PPM1L: variants seen among roughly 807,000 people sequenced by gnomAD.
PPM1L encodes protein phosphatase, Mg2+/Mn2+ dependent 1L.
A neutral mutation model predicts 31.4 loss-of-function variants in PPM1L; 13 were observed. The ratio of observed to expected loss-of-function variants is 0.41; its 90% CI spans 0.27 to 0.66. PPM1L has a LOEUF of 0.66. Among genes scored for constraint, PPM1L ranks in the 30% least tolerant of loss-of-function variants. The pLI is 0.29. For synonymous variants in PPM1L, 184 were observed against 175.4 expected (o/e 1.05, Z -0.39); for missense variants, 326 against 453.7 (o/e 0.72, Z 2.56).
At chr3:161,038,102 C>T (rs1351509692) in intron 2 of PPM1L, among the ~76,000 whole-genome samples, 8 of 151,212 alleles carry the variant, frequency 5.3e-5, no homozygotes, top group African/African-American at 9.7e-5. Flanking sequence ...GGCGTAGTGG[C>T]GGGCGCCTGT....
chr3:160,927,119 C>T (rs1714621682), intron 1 of PPM1L, among the ~76,000 whole-genome samples: 1 of 152,106 alleles, frequency 6.6e-6, no homozygotes, highest in South Asian at 2.1e-4. Context: ...GCACCTTTAC[C>T]TTTGCCAGAC....
intron 1 of PPM1L, among the ~76,000 whole-genome samples, chr3:160,879,923 G>A (rs1007928744): frequency 6.6e-6 from 1 of 152,116 alleles, no homozygotes; most frequent in Admixed American, 6.5e-5. Flanking sequence ...TATGATTGCC[G>A]TGTGTTGAGA....
chr3:160,822,323 A>G (rs1210455824), intron 1 of PPM1L, among the ~76,000 whole-genome samples: 2 of 152,060 alleles, frequency 1.3e-5, no homozygotes, highest in Non-Finnish European at 2.9e-5. Flanking sequence ...TCATTTGAAT[A>G]AACAAGATAT....
At chr3:160,761,193 C>A (rs753826079) in intron 1 of PPM1L, among the ~76,000 whole-genome samples, 5 of 152,142 alleles carry the variant, frequency 3.3e-5, no homozygotes, top group Non-Finnish European at 7.3e-5. Flanking sequence ...ATGCATGAAG[C>A]CTCTGAATTT....
chr3:161,044,017 T>G (rs1022042057), intron 2 of PPM1L, among the ~76,000 whole-genome samples: 1 of 152,192 alleles, frequency 6.6e-6, no homozygotes, highest in African/African-American at 2.4e-5. Flanking sequence ...AAAGATTTAT[T>G]TGAATATCTC....
At chr3:160,789,961 A>C (rs996565673) in intron 1 of PPM1L, among the ~76,000 whole-genome samples, 2 of 152,164 alleles carry the variant, frequency 1.3e-5, no homozygotes, top group African/African-American at 4.8e-5. Context: ...TCTCTTGTAT[A>C]CTTTAAATCA....
chr3:160,829,815 G>A (rs552763413), intron 1 of PPM1L, among the ~76,000 whole-genome samples: 4 of 152,138 alleles, frequency 2.6e-5, no homozygotes, highest in Non-Finnish European at 2.9e-5. Context: ...GGTGGGGGAT[G>A]AATACACAGA....
At position 160,943,019 on chromosome 3, in the gene PPM1L, G is replaced by A. The variant is rs140298199; in HGVS notation, c.400-18717G>A. On this transcript the variant is annotated intron_variant, in intron 1 of 3. Transcript: ENST00000498165. ...AGGAAGTAAACAAAAAGGAACTGAG[G>A]AGTAAAAAACAATCACAAAACTCAT... Among the ~76,000 whole-genome samples the A allele has an allele frequency of 5.5e-3, 834 of 152,052 alleles. 2 individuals carry two copies. Among genetic ancestry groups the A allele is most frequent in the Non-Finnish European group, 6.5e-3 (445 of 67,988 alleles).
At chr3:160,989,687 T>C (rs572993760) in intron 2 of PPM1L, among the ~76,000 whole-genome samples, 1 of 152,088 alleles carries the variant, frequency 6.6e-6, no homozygotes, top group Non-Finnish European at 1.5e-5. Context: ...AGAAACAGAG[T>C]CTTGCTCTGT....
chr3:160,828,052 A>G (rs879766417), intron 1 of PPM1L, among the ~76,000 whole-genome samples: 2 of 151,910 alleles, frequency 1.3e-5, no homozygotes, highest in Non-Finnish European at 2.9e-5. Flanking sequence ...CTCCCTCATG[A>G]GGGATCCACC....
At chr3:160,818,873 T>G (rs1473966004) in intron 1 of PPM1L, among the ~76,000 whole-genome samples, 4 of 152,136 alleles carry the variant, frequency 2.6e-5, no homozygotes, top group Non-Finnish European at 5.9e-5. Context: ...AAAAACAAGC[T>G]TGACTTTTTA....
chr3:160,818,107 G>C (rs1443078519), intron 1 of PPM1L, among the ~76,000 whole-genome samples: 1 of 151,920 alleles, frequency 6.6e-6, no homozygotes, highest in Non-Finnish European at 1.5e-5. Flanking sequence ...CAAAAAGAAA[G>C]GAATTTGAAG....
chr3:160,843,468 A>ATATATATATATATATTTT (rs1441660092), intron 1 of PPM1L, among the ~76,000 whole-genome samples: 1 of 106,886 alleles, frequency 9.4e-6, no homozygotes, highest in Non-Finnish European at 1.9e-5. Context: ...ATATATATAT[A>ATATATATATATATATTTT]TGTTTTTTTT....
intron 2 of PPM1L, among the ~76,000 whole-genome samples, chr3:161,024,019 G>A (rs1326210362): frequency 1.3e-5 from 2 of 152,138 alleles, no homozygotes; most frequent in Non-Finnish European, 2.9e-5. Context: ...GCTCATGCCT[G>A]TAATCCCAAC....
intron 1 of PPM1L, among the ~76,000 whole-genome samples, chr3:160,955,989 G>A (rs1292745676): frequency 1.3e-5 from 2 of 152,094 alleles, no homozygotes; most frequent in Non-Finnish European, 2.9e-5. Context: ...GAAACATTTA[G>A]CAGCTCTTGA....
chr3:160,828,495 T>A (rs1488258611), intron 1 of PPM1L, among the ~76,000 whole-genome samples: 5 of 152,010 alleles, frequency 3.3e-5, no homozygotes, highest in African/African-American at 1.2e-4. Flanking sequence ...ATAGGAAAAA[T>A]CCCTTATTCT....
chr3:160,828,628 G>C (rs749747299), intron 1 of PPM1L, among the ~76,000 whole-genome samples: 1 of 152,064 alleles, frequency 6.6e-6, no homozygotes, highest in Non-Finnish European at 1.5e-5. Flanking sequence ...GAGACTGCAG[G>C]TTTTGGTAGG....
rs10684062 is a variant in PPM1L at position 161,072,140 on chromosome 3, A to AT, written c.*2991dup. On this transcript the variant is annotated 3_prime_UTR_variant, in exon 4 of 4. Transcript: ENST00000498165. ...GGTTGGGGGAGGGACAGCTAGGGAAATTTTTTTTAATTAATTGTATCTAAA... is the reference window on the plus strand; with the variant it reads ...GGTTGGGGGAGGGACAGCTAGGGAAATTTTTTTTTAATTAATTGTATCTAAA... The AT allele has an allele frequency of 0.22, 32,968 of 151,942 alleles. 3,808 individuals are homozygous for AT. Among genetic ancestry groups the AT allele is most frequent in the African/African-American group, 0.29 (11,803 of 41,358 alleles). 9.4% of individuals were successfully genotyped at this position (151,942 alleles called of 1,614,324 possible).
chr3:160,771,749 G>T (rs1715262577), intron 1 of PPM1L, among the ~76,000 whole-genome samples: 2 of 151,782 alleles, frequency 1.3e-5, no homozygotes, highest in South Asian at 4.1e-4. Context: ...CATATTGAAA[G>T]CTTTATGTTT....
Sources: allele counts gnomAD v4.1 joint callset (sites outside exome capture counted in the v4.1 genomes callset), GRCh38; gene constraint gnomAD v4.1.1; transcripts MANE v1.5; gene names NCBI Gene and HGNC (gene_info 2026-07-23, HGNC 2026-07-21).